DDX60L: variants seen among roughly 807,000 people sequenced by gnomAD.
The protein encoded by DDX60L is probable ATP-dependent RNA helicase DDX60-like.
A neutral mutation model predicts 211.6 loss-of-function variants in DDX60L; 191 were observed. The ratio of observed to expected loss-of-function variants is 0.90; its 90% CI spans 0.80 to 1.02. The LOEUF is 1.02. DDX60L is among the 50% of genes least tolerant of loss of function. The probability of loss-of-function intolerance (pLI) is 0.00; values close to 1 mark genes in which losing one functional copy is unlikely to be tolerated. For synonymous variants in DDX60L, 706 were observed against 694.1 expected (o/e 1.02, Z -0.27); for missense variants, 2,007 against 1,984.1 (o/e 1.01, Z -0.22).
At chr4:168,381,424 C>T (rs1742936351) in intron 30 of DDX60L, among the ~76,000 whole-genome samples, 2 of 151,970 alleles carry the variant, frequency 1.3e-5, no homozygotes, top group African/African-American at 2.4e-5. Context: ...CAGGTATATG[C>T]CACCATACCC....
intron 29 of DDX60L, among the ~76,000 whole-genome samples, chr4:168,388,045 T>C (rs1281228066): frequency 6.6e-6 from 1 of 152,226 alleles, no homozygotes; most frequent in Non-Finnish European, 1.5e-5. Context: ...GGACGCACAT[T>C]GTACAGAAGA....
At position 168,461,875 on chromosome 4, in the gene DDX60L, T is replaced by A. The variant is rs779939200; in HGVS notation, c.430A>T (p.Ile144Leu). ...FLEQHYPYFL[I>L]VSEEGLSDLQ... The stretch of plus-strand genomic sequence containing the variant: ...TCACTCAGGCCTTCCTCTGAAACTA[T>A]CAGAAAATACGGGTAATGCTGTTCC... The change falls in exon 5 of 38, where the codon ATA (isoleucine) becomes TTA (leucine). Residue 144 changes from isoleucine to leucine, a missense_variant. Physicochemically the swap from Ile to Leu is conservative, Grantham distance 5. Transcript: ENST00000682922. The A allele has an allele frequency of 3.6e-5, 58 of 1,611,514 alleles. No homozygotes were observed. The South Asian group carries it at 6.1e-4, about 17-fold the overall frequency.
intron 37 of DDX60L, among the ~76,000 whole-genome samples, chr4:168,359,753 G>C (rs764941999): frequency 6.4e-4 from 98 of 152,060 alleles, no homozygotes; most frequent in Admixed American, 1.2e-3. Flanking sequence ...TAACAAATAA[G>C]ACCCTTCGCA....
chr4:168,472,887 C>T, intron 1 of DDX60L, 78 bp from the exon 2 acceptor site: 1 of 615,008 alleles, frequency 1.6e-6, no homozygotes. Flanking sequence ...TTACATTTTC[C>T]ACAGAGCAAG....
intron 28 of DDX60L, among the ~76,000 whole-genome samples, chr4:168,391,926 C>T (rs1300808217): frequency 6.6e-6 from 1 of 152,146 alleles, no homozygotes; most frequent in African/African-American, 2.4e-5. Context: ...TCCAAAAAGA[C>T]TTCCTGCACC....
At chr4:168,384,413 G>T (rs1743494710) in intron 30 of DDX60L, among the ~76,000 whole-genome samples, 199 bp downstream of exon 30, 1 of 152,152 alleles carries the variant, frequency 6.6e-6, no homozygotes, top group African/African-American at 2.4e-5. Flanking sequence ...CTTGAGCCCA[G>T]GTGATTAAGG....
At chr4:168,462,444 C>A (rs988369293) in intron 4 of DDX60L, among the ~76,000 whole-genome samples, 1 of 151,774 alleles carries the variant, frequency 6.6e-6, no homozygotes, top group Middle Eastern at 3.2e-3. Flanking sequence ...ATCAAAATTT[C>A]TATTTTTCAA....
At chr4:168,358,304 A>T (rs748313549) in intron 37 of DDX60L, 28 bp from the exon 38 acceptor site, 38 of 1,420,174 alleles carry the variant, frequency 2.7e-5, no homozygotes, top group Middle Eastern at 4.6e-4. Context: ...ATAATAAAAA[A>T]ATAATGAGCC....
chr4:168,463,951 G>A (rs1757649303), intron 4 of DDX60L, among the ~76,000 whole-genome samples: 1 of 152,082 alleles, frequency 6.6e-6, no homozygotes, highest in Admixed American at 6.6e-5. Flanking sequence ...ATCCAAATAA[G>A]GATAGTGCCT....
At chr4:168,421,434 T>C (rs1561036593) in intron 17 of DDX60L, among the ~76,000 whole-genome samples, 2 of 152,110 alleles carry the variant, frequency 1.3e-5, no homozygotes, top group South Asian at 2.1e-4. Flanking sequence ...CCAAGGTGGG[T>C]GGATCACCTG....
At chr4:168,417,702 C>T (rs1349137922) in intron 19 of DDX60L, among the ~76,000 whole-genome samples, 2 of 152,204 alleles carry the variant, frequency 1.3e-5, no homozygotes, top group Admixed American at 1.3e-4. Context: ...AGCACAGTGT[C>T]TAGCACAGAG....
At chr4:168,462,428 T>C (rs1358878615) in intron 4 of DDX60L, among the ~76,000 whole-genome samples, 1 of 152,018 alleles carries the variant, frequency 6.6e-6, no homozygotes, top group South Asian at 2.1e-4. Flanking sequence ...AGTCTTTTCT[T>C]GGCAAATCAA....
chr4:168,365,321 G>A (rs936886486), intron 36 of DDX60L, among the ~76,000 whole-genome samples: 20 of 151,884 alleles, frequency 1.3e-4, no homozygotes, highest in Non-Finnish European at 4.4e-5. Context: ...AATAAAATTA[G>A]ATATTAAAAA....
At chr4:168,464,441 G>GT (rs1554021674) in intron 4 of DDX60L, among the ~76,000 whole-genome samples, 1 of 53,880 alleles carries the variant, frequency 1.9e-5, no homozygotes, top group Non-Finnish European at 3.6e-5. Flanking sequence ...CTTTATAATT[G>GT]TATTTTTTTT....
chr4:168,385,918 C>T (rs1743783240), intron 29 of DDX60L, among the ~76,000 whole-genome samples: 2 of 151,714 alleles, frequency 1.3e-5, no homozygotes, highest in African/African-American at 2.4e-5. Context: ...CCATATACCC[C>T]CACTCTTTCT....
At chr4:168,362,597 C>T (rs1739293622) in intron 36 of DDX60L, among the ~76,000 whole-genome samples, 2 of 152,138 alleles carry the variant, frequency 1.3e-5, no homozygotes, top group Non-Finnish European at 2.9e-5. Context: ...AAAACCATAC[C>T]ACCAACATCT....
chr4:168,387,166 C>A (rs575889255), intron 29 of DDX60L, among the ~76,000 whole-genome samples: 1 of 152,234 alleles, frequency 6.6e-6, no homozygotes, highest in South Asian at 2.1e-4. Context: ...TAGGCAGTCA[C>A]GGCAGGGTGA....
chr4:168,404,128 A>G, intron 24 of DDX60L, 22 bp from the exon 25 acceptor site: 1 of 1,234,706 alleles, frequency 8.1e-7, no homozygotes, highest in Non-Finnish European at 1.0e-6. Context: ...AGTAAAAATT[A>G]TTTAAAAAAA....
At chr4:168,467,250 A>C (rs1387121908) in intron 4 of DDX60L, among the ~76,000 whole-genome samples, 1 of 152,090 alleles carries the variant, frequency 6.6e-6, no homozygotes, top group African/African-American at 2.4e-5. Flanking sequence ...CTTTATAAAA[A>C]ATACAAAAAT....
Sources: allele counts gnomAD v4.1 joint callset (sites outside exome capture counted in the v4.1 genomes callset), GRCh38; gene constraint gnomAD v4.1.1; transcripts MANE v1.5; gene names NCBI Gene and HGNC (gene_info 2026-07-23, HGNC 2026-07-21).